STPG4: variants seen among roughly 807,000 people sequenced by gnomAD.
STPG4 encodes the protein protein STPG4.
In STPG4, 41 loss-of-function variants were observed where a neutral mutation model predicts 31.5. The observed-to-expected ratio is 1.30, with a 90% CI of 1.01 to 1.69. The LOEUF is 1.69. STPG4 is among the 40% of genes most tolerant of loss of function. The probability of loss-of-function intolerance (pLI) is 0.00; values close to 1 mark genes in which losing one functional copy is unlikely to be tolerated. For synonymous variants in STPG4, 141 were observed against 103.0 expected (o/e 1.37, Z -2.24); for missense variants, 375 against 293.4 (o/e 1.28, Z -2.03).
intron 5 of STPG4, among the ~76,000 whole-genome samples, chr2:47,115,037 C>T (rs181147508): frequency 5.6e-4 from 85 of 152,108 alleles, no homozygotes; most frequent in African/African-American, 2.0e-3. Flanking sequence ...CAAAGTGCTG[C>T]GATTACAAGC....
At chr2:47,108,555 G>T (rs571632249) in intron 5 of STPG4, 3 of 173,556 alleles carry the variant, frequency 1.7e-5, no homozygotes, top group South Asian at 1.8e-4. Context: ...AAGTCAGTGA[G>T]ACCAAGAACC....
Position 47,090,353 on chromosome 2 carries a change from G to A in STPG4, c.541C>T (p.His181Tyr). The A allele has an allele frequency of 6.4e-7, 1 of 1,551,590 alleles. No individual in the cohort carries two copies. The highest frequency in any genetic ancestry group is 8.7e-7 in the Non-Finnish European group (1 of 1,146,576). The change falls in exon 6 of 7, where the codon CAT (histidine) becomes TAT (tyrosine). Residue 181 changes from histidine to tyrosine, a missense_variant. Transcript: ENST00000445927. ...FIPHEGPGPG[H>Y]YNVKMPPTSS... is the part of the protein sequence containing the mutation. ...GTTGGAGGCATTTTCACATTATAAT[G>A]ACCTGGACCAGGGCCTTCATGCTAT...
chr2:47,114,681 C>A (rs1033127057), intron 5 of STPG4, among the ~76,000 whole-genome samples: 1 of 152,166 alleles, frequency 6.6e-6, no homozygotes, highest in South Asian at 2.1e-4. Context: ...ATATTCTATT[C>A]AAATATCCCT....
chr2:47,122,652 A>G (rs1686294407), intron 5 of STPG4, among the ~76,000 whole-genome samples: 2 of 150,792 alleles, frequency 1.3e-5, no homozygotes, highest in South Asian at 4.2e-4. Flanking sequence ...AATATATTCT[A>G]GGATCTGTTT....
At chr2:47,149,982 A>C (rs1217885333) in intron 3 of STPG4, among the ~76,000 whole-genome samples, 1 of 152,200 alleles carries the variant, frequency 6.6e-6, no homozygotes, top group Non-Finnish European at 1.5e-5. Flanking sequence ...AAGAGGACTA[A>C]ATTTTGGTGC....
intron 3 of STPG4, among the ~76,000 whole-genome samples, chr2:47,143,842 A>G (rs572152157): frequency 1.3e-5 from 2 of 152,320 alleles, no homozygotes; most frequent in African/African-American, 2.4e-5. Context: ...GTAAAAGACC[A>G]TGACTCATTT....
At chr2:47,139,407 A>T (rs539232476) in intron 3 of STPG4, among the ~76,000 whole-genome samples, 10 of 147,360 alleles carry the variant, frequency 6.8e-5, no homozygotes, top group South Asian at 2.1e-4. Flanking sequence ...CTCCTGCTTT[A>T]TTTTTTTTTT....
chr2:47,111,407 G>T (rs1177242694), intron 5 of STPG4, among the ~76,000 whole-genome samples: 1 of 152,200 alleles, frequency 6.6e-6, no homozygotes, highest in Non-Finnish European at 1.5e-5. Context: ...TTTTAAGGTG[G>T]ATCAAGAGAC....
chr2:47,147,011 G>A (rs1352963985), intron 3 of STPG4, among the ~76,000 whole-genome samples: 1 of 152,008 alleles, frequency 6.6e-6, no homozygotes, highest in Non-Finnish European at 1.5e-5. Flanking sequence ...TGGCTGGTGC[G>A]TGCTTATAGT....
intron 5 of STPG4, among the ~76,000 whole-genome samples, chr2:47,109,275 G>T (rs1384707258): frequency 1.3e-5 from 2 of 152,240 alleles, no homozygotes; most frequent in Non-Finnish European, 1.5e-5. Context: ...TTCAGGCACA[G>T]GCCAGGCGCA....
intron 3 of STPG4, among the ~76,000 whole-genome samples, chr2:47,143,348 T>C (rs919655008): frequency 3.9e-5 from 6 of 152,360 alleles, no homozygotes; most frequent in Admixed American, 6.5e-5. Flanking sequence ...ACAGTACTTA[T>C]ATAGTTGATC....
intron 2 of STPG4, among the ~76,000 whole-genome samples, chr2:47,151,835 G>A (rs1686942891): frequency 6.6e-6 from 1 of 151,830 alleles, no homozygotes; most frequent in Non-Finnish European, 1.5e-5. Flanking sequence ...CCGCCTCCCA[G>A]GTTCATGCCA....
At chr2:47,133,312 A>G (rs914196376) in intron 3 of STPG4, among the ~76,000 whole-genome samples, 1 of 151,706 alleles carries the variant, frequency 6.6e-6, no homozygotes, top group Non-Finnish European at 1.5e-5. Context: ...GACTATAGGC[A>G]TGTGCAACCA....
intron 6 of STPG4, among the ~76,000 whole-genome samples, chr2:47,087,818 G>A (rs1260081381): frequency 3.3e-5 from 5 of 151,872 alleles, no homozygotes; most frequent in Admixed American, 6.6e-5. Context: ...GCGCTATCTC[G>A]GCTCACTGCA....
chr2:47,114,345 A>G (rs1686103152), intron 5 of STPG4, among the ~76,000 whole-genome samples: 1 of 151,920 alleles, frequency 6.6e-6, no homozygotes, highest in African/African-American at 2.4e-5. Context: ...TCTCTACTGA[A>G]AATACAAAAA....
Position 47,104,858 on chromosome 2 carries a change from G to A in STPG4, c.520-14484C>T, listed in dbSNP as rs1002091162. On this transcript the variant is annotated intron_variant, in intron 5 of 6. Coordinates refer to ENST00000445927, the MANE Select transcript of STPG4 (RefSeq NM_001163561.2). ...CTACAGCAGGTCAAATATCTAGGCC[G>A]AATCTTAGCCAGAGGGGCCAGGGCC... Among the ~76,000 whole-genome samples, 8 of 151,952 alleles carry A rather than the reference G, an allele frequency of 5.3e-5. 1 individual carries two copies. The highest frequency in any genetic ancestry group is 1.5e-4 in the African/African-American group (6 of 41,246).
At chr2:47,120,241 G>T (rs145120103) in intron 5 of STPG4, among the ~76,000 whole-genome samples, 1 of 152,204 alleles carries the variant, frequency 6.6e-6, no homozygotes, top group African/African-American at 2.4e-5. Context: ...TGAGGCAGGA[G>T]AATCACTTGA....
At chr2:47,117,976 G>C (rs960500624) in intron 5 of STPG4, among the ~76,000 whole-genome samples, 3 of 151,428 alleles carry the variant, frequency 2.0e-5, no homozygotes, top group African/African-American at 7.3e-5. Flanking sequence ...GCCCAGGCTG[G>C]TCTTGAACTC....
chr2:47,118,220 C>T (rs1267168718), intron 5 of STPG4, among the ~76,000 whole-genome samples: 2 of 152,132 alleles, frequency 1.3e-5, no homozygotes, highest in Non-Finnish European at 2.9e-5. Flanking sequence ...CGCATTGCTG[C>T]CTGAGCTCCA....
Sources: allele counts gnomAD v4.1 joint callset (sites outside exome capture counted in the v4.1 genomes callset), GRCh38; gene constraint gnomAD v4.1.1; transcripts MANE v1.5; gene names NCBI Gene and HGNC (gene_info 2026-07-23, HGNC 2026-07-21).